EXOC2: variants seen among roughly 807,000 people sequenced by gnomAD.
The protein encoded by EXOC2 is SEC5-like 1.
A neutral mutation model predicts 131.8 loss-of-function variants in EXOC2; 70 were observed. The observed-to-expected ratio is 0.53, with a 90% CI of 0.44 to 0.65. The LOEUF is 0.65. Among genes scored for constraint, EXOC2 ranks in the 30% least tolerant of loss-of-function variants. The pLI is 0.00. For missense variants in EXOC2, 923 were observed against 1,108.6 expected (o/e 0.83, Z 2.38); for synonymous variants, 411 against 398.4 (o/e 1.03, Z -0.38).
At chr6:569,197 T>A (rs2127591822) in intron 13 of EXOC2, among the ~76,000 whole-genome samples, 1 of 152,376 alleles carries the variant, frequency 6.6e-6, no homozygotes, top group East Asian at 1.9e-4. Context: ...TAAAGATTTT[T>A]ATCTAAAAAT....
chr6:501,138 CTA>C (rs772300837), intron 23 of EXOC2, among the ~76,000 whole-genome samples: 433 of 8,794 alleles, frequency 0.049, 21 homozygotes, highest in African/African-American at 0.068. Context: ...TTATATATAT[CTA>C]TATATATTAT....
At position 506,085 on chromosome 6, in the gene EXOC2, C is replaced by T. The variant is rs937141773; in HGVS notation, c.2381-6385G>A. Among the ~76,000 whole-genome samples the T allele has an allele frequency of 1.3e-5, 2 of 152,210 alleles. No individual in the cohort carries two copies. The highest frequency in any genetic ancestry group is 4.8e-5 in the African/African-American group (2 of 41,440). On this transcript the variant is annotated intron_variant, in intron 23 of 27. Coordinates refer to ENST00000230449, the MANE Select transcript of EXOC2 (RefSeq NM_018303.6). The surrounding 1 kb of genome is among the most constrained non-coding windows in gnomAD (Gnocchi z 4.4). The stretch of plus-strand genomic sequence containing the variant: ...TACAATCTCTCGCTTCTCACAAAGA[C>T]AGTCCTTTTGAGCATCAGGATCCAT...
intron 19 of EXOC2, 31 bp downstream of exon 19, chr6:555,923 G>A (rs972559616): frequency 2.5e-5 from 40 of 1,603,242 alleles, no homozygotes; most frequent in Non-Finnish European, 3.3e-5. Context: ...TATTATTTGA[G>A]GCTTTCAGCA....
At chr6:570,288 C>T (rs779423016) in intron 13 of EXOC2, among the ~76,000 whole-genome samples, 13 of 152,224 alleles carry the variant, frequency 8.5e-5, no homozygotes, top group African/African-American at 1.4e-4. Context: ...CGCCCGCCAC[C>T]ACGCCTGGCT....
At chr6:514,920 A>G (rs1174499819) in intron 23 of EXOC2, among the ~76,000 whole-genome samples, 2 of 152,258 alleles carry the variant, frequency 1.3e-5, no homozygotes, top group African/African-American at 4.8e-5. Flanking sequence ...AAGTTCCAGA[A>G]GCCAATGACC....
At chr6:647,353 C>CA (rs1444468321) in intron 1 of EXOC2, among the ~76,000 whole-genome samples, 1 of 151,506 alleles carries the variant, frequency 6.6e-6, no homozygotes, top group East Asian at 2.0e-4. Flanking sequence ...ATCAGACTGT[C>CA]AGAGATCCTC....
At chr6:493,386 G>C (rs948277509) in intron 25 of EXOC2, among the ~76,000 whole-genome samples, 15 of 152,006 alleles carry the variant, frequency 9.9e-5, no homozygotes, top group Non-Finnish European at 2.1e-4. Context: ...AGACCTACCA[G>C]GAAAAAAGGT....
intron 1 of EXOC2, among the ~76,000 whole-genome samples, chr6:685,040 A>C (rs1387705204): frequency 6.6e-6 from 1 of 152,142 alleles, no homozygotes; most frequent in African/African-American, 2.4e-5. Context: ...TCTACTCAAC[A>C]GGCCACGGAA....
intron 26 of EXOC2, among the ~76,000 whole-genome samples, chr6:490,019 G>C (rs1359385989): frequency 6.6e-6 from 1 of 152,200 alleles, no homozygotes; most frequent in African/African-American, 2.4e-5. Flanking sequence ...CTCTTTCCTG[G>C]TGTGGAAGCC....
chr6:564,579 C>T lies in EXOC2; in HGVS notation c.1633G>A (p.Gly545Arg), dbSNP rs776276443. The T allele has an allele frequency of 6.8e-6, 11 of 1,614,052 alleles. No individual in the cohort carries two copies. Among genetic ancestry groups the T allele is most frequent in the South Asian group, 2.2e-5 (2 of 91,086 alleles). ...TGGATGGCGTGAGCGAGCCACTGTC[C>T]GGAGAGCTCGCACTTCACCTCCCAG... ...GGWEVKCELS[G>R]QWLAHAIQTV... is the part of the protein sequence containing the mutation. The change falls in exon 15 of 28, where the codon GGA becomes AGA. Residue 545 changes from glycine to arginine, a missense_variant. Gly to Arg is a moderately radical substitution (Grantham distance 125). Coordinates refer to ENST00000230449, the MANE Select transcript of EXOC2 (RefSeq NM_018303.6).
At chr6:584,599 A>G (rs1055196037) in intron 11 of EXOC2, among the ~76,000 whole-genome samples, 3 of 152,320 alleles carry the variant, frequency 2.0e-5, no homozygotes, top group African/African-American at 4.8e-5. Context: ...TAATAGCTCC[A>G]CCACTGTGAA....
At chr6:552,515 C>T (rs1348884631) in intron 21 of EXOC2, among the ~76,000 whole-genome samples, 2 of 152,186 alleles carry the variant, frequency 1.3e-5, no homozygotes, top group African/African-American at 4.8e-5. Flanking sequence ...TTATATATTG[C>T]TTATATACTG....
chr6:642,130 T>C (rs940511197), intron 1 of EXOC2, among the ~76,000 whole-genome samples: 2 of 152,164 alleles, frequency 1.3e-5, no homozygotes, highest in East Asian at 1.9e-4. Flanking sequence ...TTCAACCTCT[T>C]TGCACCAAAG....
chr6:562,147 C>A (rs2127582271), intron 17 of EXOC2, among the ~76,000 whole-genome samples: 1 of 152,322 alleles, frequency 6.6e-6, no homozygotes, highest in Non-Finnish European at 1.5e-5. Flanking sequence ...GACTGTGTGA[C>A]CACGCTGCCA....
At chr6:647,717 A>C (rs1366944067) in intron 1 of EXOC2, among the ~76,000 whole-genome samples, 1 of 146,976 alleles carries the variant, frequency 6.8e-6, no homozygotes, top group Non-Finnish European at 1.5e-5. Context: ...CAAAGAACGC[A>C]AAACTAAAAA....
chr6:657,017 G>T, intron 1 of EXOC2: 1 of 1,286,582 alleles, frequency 7.8e-7, no homozygotes, highest in Non-Finnish European at 1.1e-6. Context: ...GGTCCGCTGG[G>T]GTCCGTGGCG....
At chr6:629,704 C>G (rs1341385525) in intron 4 of EXOC2, 131 bp downstream of exon 4, 5 of 1,099,444 alleles carry the variant, frequency 4.5e-6, no homozygotes, top group Non-Finnish European at 6.3e-6. Context: ...TAACACCCAT[C>G]TCCAAACAAC....
intron 1 of EXOC2, among the ~76,000 whole-genome samples, chr6:678,573 A>G (rs1021473147): frequency 6.6e-6 from 1 of 152,240 alleles, no homozygotes; most frequent in Non-Finnish European, 1.5e-5. Context: ...AATTAGAAAA[A>G]ATAGAGAAAC....
intron 17 of EXOC2, among the ~76,000 whole-genome samples, chr6:561,198 T>C (rs1049488482): frequency 2.0e-5 from 3 of 152,160 alleles, no homozygotes; most frequent in Non-Finnish European, 4.4e-5. Flanking sequence ...ACCTTGAACT[T>C]TGGAGGAATA....
Sources: gnomAD v4.1 joint callset for allele counts (sites outside exome capture counted in the v4.1 genomes callset) on GRCh38, gnomAD v4.1.1 for gene constraint, Gnocchi (gnomAD v3.1) non-coding constraint, MANE v1.5 for transcripts, NCBI Gene and HGNC (gene_info 2026-07-23, HGNC 2026-07-21) for gene names.